BACH1: variants seen among roughly 807,000 people sequenced by gnomAD.
BACH1 encodes BTB domain and CNC homolog 1.
A neutral mutation model predicts 52.9 loss-of-function variants in BACH1; 35 were observed. The observed-to-expected ratio is 0.66, with a 90% confidence interval of 0.51 to 0.88. BACH1 has a LOEUF of 0.88. Ranked by LOEUF, BACH1 falls within the 40% of genes least tolerant of loss-of-function variation. The pLI is 0.00. For missense variants in BACH1, 808 were observed against 872.6 expected (o/e 0.93, Z 0.93); for synonymous variants, 321 against 319.6 (o/e 1.00, Z -0.05).
At chr21:29,347,340 G>A (rs912393111), downstream of BACH1, among the ~76,000 whole-genome samples, 5 of 152,148 alleles carry the variant, frequency 3.3e-5, no homozygotes, top group Admixed American at 1.3e-4. Flanking sequence ...ATGTAAACAG[G>A]GAGCAAATTC....
chr21:29,313,190 A>G (rs1334828511), intron 1 of BACH1, among the ~76,000 whole-genome samples: 2 of 152,176 alleles, frequency 1.3e-5, no homozygotes, highest in Admixed American at 1.3e-4. Context: ...ATAGCTGACA[A>G]GCTAGGAAAA....
chr21:29,312,153 C>G (rs775180584), intron 1 of BACH1, among the ~76,000 whole-genome samples: 3 of 152,174 alleles, frequency 2.0e-5, no homozygotes, highest in Admixed American at 1.3e-4. Context: ...GAGATGTAAG[C>G]ATTTAGAAAG....
chr21:29,361,848 G>A (rs1230586344), intron 2 of BACH1: 1 of 152,110 alleles, frequency 6.6e-6, no homozygotes, highest in African/African-American at 2.4e-5. Context: ...CTTTAATAAG[G>A]ACCCATGCCA....
intron 1 of BACH1, among the ~76,000 whole-genome samples, chr21:29,299,923 T>A (rs2088584169): frequency 6.6e-6 from 1 of 152,150 alleles, no homozygotes; most frequent in Non-Finnish European, 1.5e-5. Flanking sequence ...GGGAATTTGA[T>A]CATGTATTTG....
intron 1 of BACH1, among the ~76,000 whole-genome samples, chr21:29,313,725 T>C (rs1372863523): frequency 7.9e-5 from 12 of 152,176 alleles, no homozygotes; most frequent in African/African-American, 2.4e-5. Flanking sequence ...GTACATAATA[T>C]GTGATTCTAT....
At chr21:29,342,335 G>A (rs1394261389) in intron 4 of BACH1, 64 bp from the exon 5 acceptor site, 15 of 1,457,678 alleles carry the variant, frequency 1.0e-5, no homozygotes, top group African/African-American at 4.3e-5. Flanking sequence ...TTATTTGATC[G>A]CCTTGGAAAT....
intron 1 of BACH1, among the ~76,000 whole-genome samples, chr21:29,308,365 C>T (rs2123411022): frequency 6.6e-6 from 1 of 152,264 alleles, no homozygotes; most frequent in South Asian, 2.1e-4. Context: ...TTAAATAAGA[C>T]ATTTCAGTTT....
intron 1 of BACH1, among the ~76,000 whole-genome samples, chr21:29,320,803 G>C (rs576202168): frequency 2.0e-5 from 3 of 152,174 alleles, no homozygotes; most frequent in African/African-American, 2.4e-5. Flanking sequence ...CTCATCCCAA[G>C]GTGTGACCTC....
At chr21:29,327,543 A>G in intron 3 of BACH1, 150 bp downstream of exon 3, 1 of 1,174,386 alleles carries the variant, frequency 8.5e-7, no homozygotes, top group South Asian at 1.6e-5. Context: ...ACTGTGTGAT[A>G]GGGCTGGGCG....
Position 29,358,782 on chromosome 21 carries a change from G to GA in BACH1, c.472+29092dup, listed in dbSNP as rs1569028826. On this transcript the variant is annotated intron_variant, in intron 2 of 4. Transcript: ENST00000422809. ...AAGAAAAGAAAAGAAAAGAAAGAAA[G>GA]AAAGAAAGAAAGAAAGAAAGAAAGA... Among the ~76,000 whole-genome samples, 110 of 97,242 alleles carry GA rather than the reference G, an allele frequency of 1.1e-3. No individual in the cohort carries two copies. In the East Asian group the frequency reaches 0.014, roughly 12 times the overall value. 63.8% of individuals were successfully genotyped at this position (97,242 alleles called of 152,430 possible).
intron 1 of BACH1, among the ~76,000 whole-genome samples, chr21:29,309,760 G>A (rs2123413892): frequency 6.6e-6 from 1 of 152,322 alleles, no homozygotes; most frequent in South Asian, 2.1e-4. Flanking sequence ...GATGATATCA[G>A]TAGAGCGTTA....
intron 2 of BACH1, among the ~76,000 whole-genome samples, chr21:29,354,235 C>T (rs991256000): frequency 4.6e-5 from 7 of 152,026 alleles, no homozygotes; most frequent in African/African-American, 1.7e-4. Context: ...AATGAGGGCT[C>T]CAGGTTGGAG....
At chr21:29,334,669 T>C (rs1039357468) in intron 4 of BACH1, among the ~76,000 whole-genome samples, 1 of 152,200 alleles carries the variant, frequency 6.6e-6, no homozygotes, top group African/African-American at 2.4e-5. Flanking sequence ...CGATATCAAC[T>C]TGTAAGTGAT....
chr21:29,308,457 T>C (rs1275720705), intron 1 of BACH1, among the ~76,000 whole-genome samples: 1 of 152,204 alleles, frequency 6.6e-6, no homozygotes, highest in Admixed American at 6.5e-5. Flanking sequence ...TCTGTTTTAT[T>C]TAATTAAAAT....
Position 29,326,496 on chromosome 21 carries a change from C to T in BACH1, c.672C>T (p.Cys224=), listed in dbSNP as rs574088955. Residue 224 remains cysteine (C), a synonymous_variant, in exon 3 of 5, where the codon TGC becomes TGT. Coordinates refer to ENST00000286800, the MANE Select transcript of BACH1 (RefSeq NM_001186.4). ...CTGCTCTGGCCTTGCCTTCTTTATG[C>T]CCCAAATACAGAAAATTCCAAAAAG... ...KDAALALPSL[C]PKYRKFQKAF... is the part of the protein sequence containing the mutation. The T allele has an allele frequency of 3.1e-4, 497 of 1,614,164 alleles. 6 individuals carry two copies. In the South Asian group the frequency reaches 5.2e-3, roughly 17 times the overall value.
intron 1 of BACH1, among the ~76,000 whole-genome samples, chr21:29,302,290 G>A (rs548131033): frequency 2.2e-4 from 33 of 152,258 alleles, no homozygotes; most frequent in Admixed American, 1.2e-3. Context: ...AGTGCAATTC[G>A]CCAGAATCCG....
rs1055597885 is a variant in BACH1 at position 29,310,514 on chromosome 21, G to A, written c.-60-10707G>A. 2.6e-5 allele frequency among the ~76,000 whole-genome samples: 4 copies of A among 152,240 alleles called. No individual in the cohort carries two copies. The East Asian group carries it at 7.7e-4, about 29-fold the overall frequency. Reference sequence around the variant, plus strand: ...AGTATGCAGTTGGCTATATGAGTATGAAATTCAAGAGAGAAGTCAAGATTG... The same window carrying A: ...AGTATGCAGTTGGCTATATGAGTATAAAATTCAAGAGAGAAGTCAAGATTG... On this transcript the variant is annotated intron_variant, in intron 1 of 4. Transcript: ENST00000286800.
At chr21:29,314,841 T>C (rs1025388862) in intron 1 of BACH1, among the ~76,000 whole-genome samples, 6 of 152,180 alleles carry the variant, frequency 3.9e-5, no homozygotes, top group African/African-American at 1.2e-4. Flanking sequence ...GAAATAACTT[T>C]AGAAAATGTG....
At chr21:29,321,105 C>G in intron 1 of BACH1, 116 bp from the exon 2 acceptor site, 2 of 597,140 alleles carry the variant, frequency 3.3e-6, no homozygotes, top group Non-Finnish European at 5.8e-6. Context: ...GGTTGTTCCT[C>G]TGGAGGTTTT....
Sources: gnomAD v4.1 joint callset for allele counts (sites outside exome capture counted in the v4.1 genomes callset) on GRCh38, gnomAD v4.1.1 for gene constraint, MANE v1.5 for transcripts, NCBI Gene and HGNC (gene_info 2026-07-23, HGNC 2026-07-21) for gene names.